Variants in LAMA1 observed in about 807,000 individuals in gnomAD.
LAMA1 encodes laminin subunit alpha 1.
In LAMA1, 219 loss-of-function variants were observed where a neutral mutation model predicts 348.7. That is an observed-to-expected ratio of 0.63 (90% CI 0.56 to 0.70). The LOEUF (loss-of-function observed/expected upper bound fraction) is 0.70. Ranked by LOEUF, LAMA1 falls within the 30% of genes least tolerant of loss-of-function variation. The pLI, the probability that LAMA1 is intolerant of heterozygous loss-of-function variation, is 0.00. For missense variants in LAMA1, 3,744 were observed against 3,888.0 expected, an observed-to-expected ratio of 0.96 and a Z score of 0.99; for synonymous variants, 1,487 against 1,491.0, an observed-to-expected ratio of 1.00 and a Z score of 0.06.
intron 1 of LAMA1, among the ~76,000 whole-genome samples, chr18:7,107,674 A>G (rs1397536981): frequency 2.6e-5 from 4 of 152,196 alleles, no homozygotes; most frequent in Non-Finnish European, 4.4e-5. Flanking sequence ...CTGAATAGAA[A>G]TGACAATACT....
At chr18:7,064,708 C>T (rs1205236316) in intron 3 of LAMA1, among the ~76,000 whole-genome samples, 4 of 152,280 alleles carry the variant, frequency 2.6e-5, no homozygotes, top group South Asian at 2.1e-4. Flanking sequence ...TATTGTTCAT[C>T]CCACTAGAGA....
At chr18:6,951,047 A>G (rs962553075) in intron 57 of LAMA1, 76 bp from the exon 58 acceptor site, 2 of 1,338,946 alleles carry the variant, frequency 1.5e-6, no homozygotes, top group African/African-American at 1.4e-5. Flanking sequence ...AGAGGACCCA[A>G]CAATTGTTTC....
chr18:7,099,552 A>T (rs1340155644), intron 1 of LAMA1, among the ~76,000 whole-genome samples: 2 of 152,062 alleles, frequency 1.3e-5, no homozygotes, highest in African/African-American at 2.4e-5. Context: ...ACTCAAATGG[A>T]TCATAAGAGC....
At position 6,977,611 on chromosome 18, in the gene LAMA1, G is replaced by A. The variant is rs1600365586; in HGVS notation, c.6345+116C>T. The stretch of plus-strand genomic sequence containing the variant: ...GAGGAAGCCCAGATTATTGGGATCT[G>A]GGTCTTTGGAAGCCCTAAGGGGCGC... On this transcript the variant is annotated intron_variant, in intron 44 of 62. Coordinates refer to ENST00000389658, the MANE Select transcript of LAMA1 (RefSeq NM_005559.4). 14 of 1,171,464 alleles carry A rather than the reference G, an allele frequency of 1.2e-5. No homozygotes were observed. The East Asian group carries it at 3.2e-4, about 27-fold the overall frequency. 72.6% of individuals were successfully genotyped at this position (1,171,464 alleles called of 1,614,324 possible). A position where few individuals can be genotyped will look rare whatever the true frequency, so the allele number is the denominator to read the frequency against.
chr18:7,050,615 G>C, intron 4 of LAMA1, 79 bp downstream of exon 4: 3 of 1,595,284 alleles, frequency 1.9e-6, no homozygotes, highest in Non-Finnish European at 2.6e-6. Flanking sequence ...TCTTTGTATT[G>C]AGAGAGATCA....
intron 1 of LAMA1, among the ~76,000 whole-genome samples, chr18:7,094,365 A>C (rs1163383639): frequency 6.8e-6 from 1 of 147,996 alleles, no homozygotes; most frequent in Non-Finnish European, 1.5e-5. Context: ...CGGAGGTTGC[A>C]GTGAGCCTAG....
chr18:7,075,051 A>T (rs1441868454), intron 3 of LAMA1, among the ~76,000 whole-genome samples: 1 of 148,066 alleles, frequency 6.8e-6, no homozygotes, highest in Non-Finnish European at 1.5e-5. Flanking sequence ...CAGGAACAGG[A>T]TCAATGTTAG....
At chr18:7,052,677 A>G (rs553004138) in intron 3 of LAMA1, among the ~76,000 whole-genome samples, 1 of 152,164 alleles carries the variant, frequency 6.6e-6, no homozygotes, top group Non-Finnish European at 1.5e-5. Flanking sequence ...CAGTGAGCTG[A>G]GACTGAACCA....
rs1269035459 is a variant in LAMA1, at chr18:7,080,472, T to C, written c.62-15A>G. On this transcript the variant is annotated splice_polypyrimidine_tract_variant and intron_variant, in intron 1 of 62. Transcript: ENST00000389658. The stretch of plus-strand genomic sequence containing the variant: ...AGGAAACAGGCCTGAAAGTGAAAAT[T>C]TACCAAATCAGCTGAGCCACTTGAA... 3 of 1,613,546 alleles carry C rather than the reference T, an allele frequency of 1.9e-6. No individual in the cohort carries two copies. Among genetic ancestry groups the C allele is most frequent in the Non-Finnish European group, 1.7e-6 (2 of 1,179,806 alleles).
chr18:7,079,100 T>C (rs2058182699), intron 3 of LAMA1, among the ~76,000 whole-genome samples: 1 of 152,226 alleles, frequency 6.6e-6, no homozygotes, highest in African/African-American at 2.4e-5. Context: ...ATTTAAATCC[T>C]ACAATGCACA....
At chr18:7,072,436 A>G (rs1252916174) in intron 3 of LAMA1, among the ~76,000 whole-genome samples, 1 of 152,180 alleles carries the variant, frequency 6.6e-6, no homozygotes, top group Admixed American at 6.5e-5. Context: ...ACCAAAACCC[A>G]ATAGTTAATA....
At chr18:7,071,508 CT>C (rs1322720318) in intron 3 of LAMA1, among the ~76,000 whole-genome samples, 2 of 152,046 alleles carry the variant, frequency 1.3e-5, no homozygotes, top group Non-Finnish European at 2.9e-5. Context: ...CGAAATGAAC[CT>C]TTTTTCACTG....
intron 36 of LAMA1, among the ~76,000 whole-genome samples, chr18:6,987,811 GATA>G (rs1568019957): frequency 6.6e-6 from 1 of 152,060 alleles, no homozygotes; most frequent in African/African-American, 2.4e-5. Flanking sequence ...AATTTTTAAC[GATA>G]ATAAAGACGT....
intron 19 of LAMA1, among the ~76,000 whole-genome samples, chr18:7,020,329 TG>T: frequency 6.6e-6 from 1 of 151,970 alleles, no homozygotes; most frequent in Admixed American, 6.5e-5. Flanking sequence ...GTGAGAGTTA[TG>T]GGGGGTGAGG....
rs2058188383 is a variant in LAMA1, at chr18:7,080,375, C to T, written c.144G>A (p.Met48Ile). 9 of 1,614,260 alleles carry T rather than the reference C, an allele frequency of 5.6e-6. No homozygotes were observed. The highest frequency in any genetic ancestry group is 7.6e-6 in the Non-Finnish European group (9 of 1,180,044). The change falls in exon 2 of 63, where the codon ATG becomes ATA. Residue 48 changes from methionine (M) to isoleucine (I), a missense_variant. Physicochemically the swap from Met to Ile is conservative, Grantham distance 10 (BLOSUM62 1). Transcript: ENST00000389658. ...GCACATGCTCCACAAGTTTGCAGAA[C>T]ATCTCCGGCCCCTTCTCGCCACAGG... ...NATCGEKGPE[M>I]FCKLVEHVPG...
Position 7,002,306 on chromosome 18 carries a change from C to T in LAMA1, c.4340G>A (p.Ser1447Asn), listed in dbSNP as rs1348028612. 1 of 1,613,490 alleles carries T rather than the reference C, an allele frequency of 6.2e-7. No individual in the cohort carries two copies. ...AGGACAGGCACACAGAGCACAGTCA[C>T]TTGCTGAGCCAGTCACCTTCCCGTA... ...GYYGKVTGSASDCALCACPHS... is the reference protein window; with the variant it reads ...GYYGKVTGSANDCALCACPHS... The change falls in exon 30 of 63, where the codon AGT becomes AAT. Residue 1447 changes from serine (S) to asparagine (N), a missense_variant. Ser to Asn is a conservative substitution (Grantham distance 46). This residue lies in a region of LAMA1 where 1,983 missense variants were observed against 1,934.3 expected (regional missense o/e 1.03). Transcript: ENST00000389658.
chr18:7,090,957 GAC>G (rs2058237590), intron 1 of LAMA1, among the ~76,000 whole-genome samples: 1 of 152,180 alleles, frequency 6.6e-6, no homozygotes, highest in Non-Finnish European at 1.5e-5. Flanking sequence ...CCTTGAAAAA[GAC>G]AGAGGTTTTG....
At chr18:6,957,833 C>A (rs1473771541) in intron 55 of LAMA1, among the ~76,000 whole-genome samples, 2 of 151,280 alleles carry the variant, frequency 1.3e-5, no homozygotes, top group African/African-American at 4.9e-5. Flanking sequence ...GGCTGGAGTG[C>A]AGCAATGGTG....
At chr18:7,095,131 T>TCC (rs947596497) in intron 1 of LAMA1, among the ~76,000 whole-genome samples, 3 of 29,420 alleles carry the variant, frequency 1.0e-4, no homozygotes, top group African/African-American at 1.0e-4. Context: ...TTTCTCTCTC[T>TCC]CTCTCTCTCT....
Sources: gnomAD v4.1 joint callset for allele counts (sites outside exome capture counted in the v4.1 genomes callset) on GRCh38, gnomAD v4.1.1 for gene constraint, gnomAD v4.1.1 regional missense constraint, MANE v1.5 for transcripts, NCBI Gene and HGNC (gene_info 2026-07-23, HGNC 2026-07-21) for gene names.